Variants in DCAF6 observed in about 807,000 individuals in gnomAD.
DCAF6 encodes the protein DDB1 and CUL4 associated factor 6, also known as DDB1- and CUL4-associated factor 6.
DCAF6 carries 54 observed loss-of-function variants against 125.1 expected under a neutral mutation model. That is an observed-to-expected ratio of 0.43 (90% CI 0.35 to 0.54). The LOEUF (loss-of-function observed/expected upper bound fraction) is 0.54. DCAF6 is among the 20% of genes least tolerant of loss of function. The probability of loss-of-function intolerance (pLI) is 0.01; values close to 1 mark genes in which losing one functional copy is unlikely to be tolerated. For synonymous variants in DCAF6, 371 were observed against 390.4 expected (o/e 0.95, Z 0.58); for missense variants, 934 against 1,161.7 (o/e 0.80, Z 2.85).
intron 2 of DCAF6, among the ~76,000 whole-genome samples, chr1:167,953,733 G>A (rs926304304): frequency 6.6e-6 from 1 of 151,924 alleles, no homozygotes; most frequent in Non-Finnish European, 1.5e-5. Context: ...CGAGTAGCTG[G>A]GATTACAGGC....
At chr1:168,037,140 G>A (rs1264771359) in intron 12 of DCAF6, among the ~76,000 whole-genome samples, 2 of 133,758 alleles carry the variant, frequency 1.5e-5, no homozygotes, top group African/African-American at 2.8e-5. Context: ...GTCTCACCCA[G>A]ACTCGACTCG....
the DCAF6 span, among the ~76,000 whole-genome samples, chr1:167,898,474 C>A: frequency 6.6e-6 from 1 of 152,032 alleles, no homozygotes; most frequent in African/African-American, 2.4e-5. Context: ...GTAGCGGGCA[C>A]CTGTAATTCC....
At chr1:167,920,542 T>C in the DCAF6 span, 3 of 1,612,134 alleles carry the variant, frequency 1.9e-6, no homozygotes, top group African/African-American at 2.7e-5. Flanking sequence ...ATTTATTTAA[T>C]TTACCTGTAG....
At chr1:168,043,617 AT>A (rs1329797605) in intron 14 of DCAF6, among the ~76,000 whole-genome samples, 2 of 152,186 alleles carry the variant, frequency 1.3e-5, no homozygotes, top group African/African-American at 4.8e-5. Context: ...ATTACATGAA[AT>A]TTAATGTCTA....
chr1:167,970,955 A>G (rs1677214035), intron 3 of DCAF6, among the ~76,000 whole-genome samples: 1 of 152,152 alleles, frequency 6.6e-6, no homozygotes, highest in East Asian at 1.9e-4. Context: ...GCATAGGTGA[A>G]AGAGAAGGAA....
chr1:168,029,174 G>A (rs1686724000), intron 12 of DCAF6, among the ~76,000 whole-genome samples: 1 of 152,238 alleles, frequency 6.6e-6, no homozygotes. Context: ...TATACCTCCA[G>A]TTTGTTTAAC....
chr1:168,006,610 C>G (rs1683374916), intron 10 of DCAF6, among the ~76,000 whole-genome samples: 1 of 152,086 alleles, frequency 6.6e-6, no homozygotes, highest in Admixed American at 6.5e-5. Flanking sequence ...ATCTCTTTTG[C>G]ATTTGCCATA....
chr1:167,947,187 C>T (rs1285216900), intron 1 of DCAF6, among the ~76,000 whole-genome samples: 1 of 151,998 alleles, frequency 6.6e-6, no homozygotes, highest in African/African-American at 2.4e-5. Flanking sequence ...CTGTGATGAT[C>T]TTTGTACTTC....
At chr1:167,902,654 G>A in the DCAF6 span, among the ~76,000 whole-genome samples, 3 of 152,200 alleles carry the variant, frequency 2.0e-5, no homozygotes, top group African/African-American at 7.2e-5. Flanking sequence ...CTTTTATGAA[G>A]CATTAAATTT....
At chr1:167,959,723 T>G (rs1402514612) in intron 2 of DCAF6, among the ~76,000 whole-genome samples, 1 of 152,248 alleles carries the variant, frequency 6.6e-6, no homozygotes, top group East Asian at 1.9e-4. Context: ...TAGATGTTTC[T>G]TATTGTAGTG....
At chr1:167,956,106 T>A (rs754952309) in intron 2 of DCAF6, among the ~76,000 whole-genome samples, 23 of 152,178 alleles carry the variant, frequency 1.5e-4, no homozygotes, top group Non-Finnish European at 2.6e-4. Flanking sequence ...TGTCATCAGT[T>A]TTTTCATGGA....
intron 3 of DCAF6, among the ~76,000 whole-genome samples, chr1:167,971,981 G>C (rs372381859): frequency 3.3e-5 from 5 of 151,910 alleles, no homozygotes; most frequent in African/African-American, 1.2e-4. Flanking sequence ...TTAGCCTCCC[G>C]AGTAGCTGGG....
chr1:167,878,908 G>T, the DCAF6 span, among the ~76,000 whole-genome samples: 2 of 152,204 alleles, frequency 1.3e-5, no homozygotes, highest in South Asian at 2.1e-4. Flanking sequence ...TATGGAGCAG[G>T]CTCTGTAAGT....
At chr1:167,914,511 C>T in the DCAF6 span, among the ~76,000 whole-genome samples, 3 of 152,302 alleles carry the variant, frequency 2.0e-5, no homozygotes, top group Non-Finnish European at 4.4e-5. Context: ...TCAATACTTA[C>T]CTTCAGATAT....
the DCAF6 span, among the ~76,000 whole-genome samples, chr1:167,872,692 T>G: frequency 6.6e-6 from 1 of 150,958 alleles, no homozygotes; most frequent in African/African-American, 2.4e-5. Flanking sequence ...TGTGTTTGGT[T>G]ATAGCTTGAA....
At chr1:168,054,282 G>C (rs911213795) in intron 17 of DCAF6, among the ~76,000 whole-genome samples, 1 of 152,176 alleles carries the variant, frequency 6.6e-6, no homozygotes, top group Non-Finnish European at 1.5e-5. Flanking sequence ...AAGCCTTCTT[G>C]CTGGCAAGGA....
At chr1:167,986,145 T>G (rs1285855355) in intron 4 of DCAF6, among the ~76,000 whole-genome samples, 1 of 152,236 alleles carries the variant, frequency 6.6e-6, no homozygotes, top group Non-Finnish European at 1.5e-5. Context: ...TTTCAAGTGT[T>G]TGGCTAATAT....
chr1:167,883,740 G>T, the DCAF6 span: 3 of 951,680 alleles, frequency 3.2e-6, no homozygotes, highest in Non-Finnish European at 3.4e-6. Context: ...CTCAGAATGG[G>T]TGAGGTACAA....
chr1:167,926,932 T>C, the DCAF6 span, among the ~76,000 whole-genome samples: 2 of 152,204 alleles, frequency 1.3e-5, no homozygotes. Flanking sequence ...TTAGGCTAAA[T>C]TGCTCCTTCT....
Sources: gnomAD v4.1 joint callset for allele counts (sites outside exome capture counted in the v4.1 genomes callset) on GRCh38, gnomAD v4.1.1 for gene constraint, MANE v1.5 for transcripts, NCBI Gene and HGNC (gene_info 2026-07-23, HGNC 2026-07-21) for gene names.